HBS1L: variants seen among roughly 807,000 people sequenced by gnomAD.
The protein encoded by HBS1L is HBS1 like translational GTPase, also known as HBS1-like protein.
In HBS1L, 55 loss-of-function variants were observed where a neutral mutation model predicts 88.9. That is an observed-to-expected ratio of 0.62 (90% CI 0.50 to 0.77). The LOEUF (loss-of-function observed/expected upper bound fraction) is 0.77, where lower values mean the gene tolerates loss of function less well. HBS1L is among the 30% of genes least tolerant of loss of function. The pLI, the probability that HBS1L is intolerant of heterozygous loss-of-function variation, is 0.00. For synonymous variants in HBS1L, 267 were observed against 288.5 expected, an observed-to-expected ratio of 0.93 and a Z score of 0.76; for missense variants, 741 against 829.3, an observed-to-expected ratio of 0.89 and a Z score of 1.31.
intron 4 of HBS1L, among the ~76,000 whole-genome samples, chr6:135,025,713 G>A (rs1776207802): frequency 6.6e-6 from 1 of 152,090 alleles, no homozygotes; most frequent in Non-Finnish European, 1.5e-5. Context: ...AATAAATATG[G>A]AGGAAAACAA....
chr6:135,011,905 TA>T (rs10605981), intron 4 of HBS1L, among the ~76,000 whole-genome samples: 3,187 of 112,518 alleles, frequency 0.028, 119 homozygotes, highest in African/African-American at 0.091. Context: ...AAACTTGTCT[TA>T]AAAAAAAAAA....
chr6:134,961,494 A>G lies in HBS1L; in HGVS notation c.*3785T>C, dbSNP rs752232379. ...CACTGTAATCCGGATAAAATGAGAT[A>G]CTGTAATCATGCCTGAGCACAGATA... On this transcript the variant is annotated 3_prime_UTR_variant, in exon 18 of 18. Coordinates refer to ENST00000367837, the MANE Select transcript of HBS1L (RefSeq NM_006620.4). 6.6e-6 allele frequency: 1 copy of G among 152,210 alleles called. No individual in the cohort carries two copies. The highest frequency in any genetic ancestry group is 2.4e-5 in the African/African-American group (1 of 41,466). The allele number at this position is 152,210 out of a possible 1,614,324, so 9.4% of individuals were successfully genotyped here. A position where few individuals can be genotyped will look rare whatever the true frequency, so the allele number is the denominator to read the frequency against.
Position 134,987,046 on chromosome 6 carries a change from G to A in HBS1L, c.1231-236C>T, listed in dbSNP as rs377429838. On this transcript the variant is annotated intron_variant, in intron 9 of 17. Coordinates refer to ENST00000367837, the MANE Select transcript of HBS1L (RefSeq NM_006620.4). The stretch of plus-strand genomic sequence containing the variant: ...AGTCTTAAAACGTACATTCCCTTAC[G>A]CCCAGAAATTTCCATGGAATGAACC... Among the ~76,000 whole-genome samples, 9 of 152,018 alleles carry A rather than the reference G, an allele frequency of 5.9e-5. No homozygotes were observed. In the East Asian group the frequency reaches 1.4e-3, roughly 23 times the overall value.
intron 15 of HBS1L, among the ~76,000 whole-genome samples, chr6:134,973,006 G>T (rs910158590): frequency 1.3e-5 from 2 of 152,202 alleles, no homozygotes; most frequent in Non-Finnish European, 2.9e-5. Flanking sequence ...AATGTAAAAT[G>T]GTAGAGCCCC....
At chr6:135,008,571 T>C (rs2114829172) in intron 4 of HBS1L, among the ~76,000 whole-genome samples, 1 of 152,320 alleles carries the variant, frequency 6.6e-6, no homozygotes, top group South Asian at 2.1e-4. Flanking sequence ...GGCTAAGATC[T>C]AAATAGATTC....
intron 4 of HBS1L, among the ~76,000 whole-genome samples, chr6:135,011,217 TA>T (rs779483605): frequency 6.6e-5 from 10 of 152,184 alleles, no homozygotes; most frequent in Non-Finnish European, 1.3e-4. Context: ...AAATTTGTTA[TA>T]AAAATTTCTG....
chr6:135,040,275 C>T (rs1383456524), intron 3 of HBS1L, among the ~76,000 whole-genome samples: 2 of 148,492 alleles, frequency 1.3e-5, no homozygotes, highest in Non-Finnish European at 3.0e-5. Context: ...TAAAAAACGG[C>T]AAGATAACAT....
At chr6:134,967,917 A>T (rs934181938) in intron 16 of HBS1L, among the ~76,000 whole-genome samples, 8 of 152,246 alleles carry the variant, frequency 5.3e-5, no homozygotes, top group Admixed American at 2.6e-4. Flanking sequence ...TTCTCAGAAC[A>T]TTATAGCAAA....
chr6:135,051,484 G>A (rs1777081577), intron 1 of HBS1L, among the ~76,000 whole-genome samples: 1 of 152,034 alleles, frequency 6.6e-6, no homozygotes, highest in African/African-American at 2.4e-5. Flanking sequence ...TGCTTCCTGG[G>A]ATATGCTCTT....
chr6:134,988,367 AC>A (rs563803145), intron 8 of HBS1L, among the ~76,000 whole-genome samples: 118 of 152,146 alleles, frequency 7.8e-4, no homozygotes, highest in African/African-American at 2.7e-3. Flanking sequence ...TCTCAAAAAA[AC>A]AAAAAACAGT....
At chr6:135,054,621 A>G in intron 1 of HBS1L, 28 bp downstream of exon 1, 1 of 1,613,144 alleles carries the variant, frequency 6.2e-7, no homozygotes, top group East Asian at 2.2e-5. Flanking sequence ...CCGGGAAAAG[A>G]ACGTCCCGGC....
At chr6:134,977,189 A>T (rs183341157) in intron 15 of HBS1L, among the ~76,000 whole-genome samples, 1 of 152,174 alleles carries the variant, frequency 6.6e-6, no homozygotes, top group Admixed American at 6.6e-5. Flanking sequence ...TGCTGGCAGA[A>T]TCTCCTAAAG....
chr6:135,031,379 A>T (rs1009435595), intron 4 of HBS1L, among the ~76,000 whole-genome samples: 2 of 152,110 alleles, frequency 1.3e-5, no homozygotes, highest in African/African-American at 4.8e-5. Flanking sequence ...AGTGACTATA[A>T]AACATAACTA....
At chr6:135,016,985 G>GA (rs1178415610) in intron 4 of HBS1L, among the ~76,000 whole-genome samples, 1 of 151,998 alleles carries the variant, frequency 6.6e-6, no homozygotes, top group Non-Finnish European at 1.5e-5. Context: ...TCCTGGGACA[G>GA]AAAAAAAGAT....
intron 7 of HBS1L, among the ~76,000 whole-genome samples, chr6:134,996,223 C>T (rs916779264): frequency 6.6e-6 from 1 of 152,148 alleles, no homozygotes; most frequent in African/African-American, 2.4e-5. Flanking sequence ...TTTGGCCAGA[C>T]AGTAACAGAG....
chr6:135,036,725 G>A (rs756196755), intron 4 of HBS1L: 104 of 1,550,912 alleles, frequency 6.7e-5, no homozygotes, highest in Non-Finnish European at 7.5e-5. Context: ...AGGGTGCGTC[G>A]CTTGCAGCTT....
At chr6:135,000,793 T>C (rs1468795945) in intron 5 of HBS1L, among the ~76,000 whole-genome samples, 1 of 152,178 alleles carries the variant, frequency 6.6e-6, no homozygotes, top group Non-Finnish European at 1.5e-5. Flanking sequence ...CATGAGCCAC[T>C]GCACCCAGCC....
At chr6:134,985,301 AG>A in intron 12 of HBS1L, 39 bp downstream of exon 12, 2 of 1,324,376 alleles carry the variant, frequency 1.5e-6, no homozygotes, top group Non-Finnish European at 2.1e-6. Flanking sequence ...AATGGGGAAA[AG>A]GGGCTATACT....
chr6:135,018,047 T>C (rs1775972004), intron 4 of HBS1L, among the ~76,000 whole-genome samples: 1 of 151,742 alleles, frequency 6.6e-6, no homozygotes, highest in African/African-American at 2.4e-5. Context: ...TCAATTGCTA[T>C]TTTTCCTATA....
Sources: allele counts gnomAD v4.1 joint callset (sites outside exome capture counted in the v4.1 genomes callset), GRCh38; gene constraint gnomAD v4.1.1; transcripts MANE v1.5; gene names NCBI Gene and HGNC (gene_info 2026-07-23, HGNC 2026-07-21).